Variants in LRRK2 observed in about 807,000 individuals in gnomAD.
LRRK2 encodes the protein leucine-rich repeat serine/threonine-protein kinase 2.
LRRK2 carries 203 observed loss-of-function variants against 302.6 expected under a neutral mutation model. The ratio of observed to expected loss-of-function variants is 0.67; its 90% confidence interval spans 0.60 to 0.75. LRRK2 has a LOEUF of 0.75. LRRK2 is among the 30% of genes least tolerant of loss of function. LRRK2 has a pLI of 0.00. For synonymous variants in LRRK2, 1,066 were observed against 1,031.9 expected (o/e 1.03, Z -0.63); for missense variants, 2,830 against 2,951.0 (o/e 0.96, Z 0.95).
At chr12:40,231,290 C>T (rs1383358909) in intron 2 of LRRK2, among the ~76,000 whole-genome samples, 7 of 151,148 alleles carry the variant, frequency 4.6e-5, no homozygotes, top group Admixed American at 1.3e-4. Flanking sequence ...CAGAGGCTCA[C>T]GCCTGTAATC....
chr12:40,290,718 T>A (rs1274335540), intron 20 of LRRK2, among the ~76,000 whole-genome samples: 1 of 152,114 alleles, frequency 6.6e-6, no homozygotes, highest in African/African-American at 2.4e-5. Context: ...CTGTTAGTGA[T>A]TTAATTATCC....
chr12:40,341,453 T>C (rs1419620199), intron 41 of LRRK2, among the ~76,000 whole-genome samples: 2 of 152,194 alleles, frequency 1.3e-5, no homozygotes, highest in African/African-American at 4.8e-5. Flanking sequence ...ATATACTCTT[T>C]TGTTTTGGAT....
chr12:40,324,049 G>A (rs1395434484), intron 38 of LRRK2, among the ~76,000 whole-genome samples: 1 of 152,084 alleles, frequency 6.6e-6, no homozygotes, highest in Non-Finnish European at 1.5e-5. Context: ...GATGAAAAGT[G>A]TATGCATTAT....
rs1474238780 is a variant in LRRK2, at chr12:40,308,472, T to A, written c.3965T>A (p.Leu1322His). The A allele has an allele frequency of 1.9e-6, 3 of 1,612,896 alleles. No homozygotes were observed. The African/African-American group carries it at 4.0e-5, about 22-fold the overall frequency. The change falls in exon 29 of 51, where the codon CTT becomes CAT. Residue 1322 changes from leucine to histidine, a missense_variant. Coordinates refer to ENST00000298910, the MANE Select transcript of LRRK2 (RefSeq NM_198578.4). ...GCKAKDIIRF[L>H]QQRLKKAVPY... ...TTTTATCTTTCAAATACTAGGTTTC[T>A]TCAACAGCGATTAAAAAAGGCTGTG...
rs745619837 is a variant in LRRK2 at position 40,249,838 on chromosome 12, A to G, written c.851A>G (p.Asn284Ser). 3 of 1,613,614 alleles carry G rather than the reference A, an allele frequency of 1.9e-6. No individual in the cohort carries two copies. The highest frequency in any genetic ancestry group is 4.5e-5 in the East Asian group (2 of 44,882). ...ACTTAACTTTTAGGTAATTTTTTCA[A>G]TATCCTGGTATTAAACGAAGTCCAT... is the stretch of plus-strand genomic sequence containing the variant. Reference protein sequence around the residue: ...LHRLTLGNFFNILVLNEVHEF... With the variant: ...LHRLTLGNFFSILVLNEVHEF... The change falls in exon 8 of 51, where the codon AAT (asparagine) becomes AGT (serine). Residue 284 changes from asparagine to serine, a missense_variant. Transcript: ENST00000298910.
At chr12:40,250,024 T>C in intron 8 of LRRK2, 79 bp downstream of exon 8, 2 of 1,551,370 alleles carry the variant, frequency 1.3e-6, no homozygotes, top group Non-Finnish European at 1.8e-6. Flanking sequence ...GAGAATCATA[T>C]GTACAGATGG....
rs116944429 is a variant in LRRK2 at position 40,251,915 on chromosome 12, G to A, written c.1181+371G>A. Among the ~76,000 whole-genome samples the A allele has an allele frequency of 1.7e-4, 26 of 152,294 alleles. No homozygotes were observed. In the East Asian group the frequency reaches 4.8e-3, roughly 28 times the overall value. On this transcript the variant is annotated intron_variant, in intron 10 of 50. Coordinates refer to ENST00000298910, the MANE Select transcript of LRRK2 (RefSeq NM_198578.4). ...TTCTTCTATGGTGACTAGCCAGCAG[G>A]TTGTCAATATCAGAAATTAGATTTG...
chr12:40,298,585 A>C lies in LRRK2; in HGVS notation c.3347+92A>C, dbSNP rs546732491. The C allele has an allele frequency of 4.3e-5, 63 of 1,471,146 alleles. No homozygotes were observed. In the Middle Eastern group the frequency reaches 6.9e-4, roughly 16 times the overall value. 91.1% of individuals were successfully genotyped at this position (1,471,146 alleles called of 1,614,324 possible). A position where few individuals can be genotyped will look rare whatever the true frequency, so the allele number is the denominator to read the frequency against. ...CATTTTTATAGCAATGAGTTTTAAC[A>C]ACATGGTGAAACTCCATCTCTACTA... On this transcript the variant is annotated intron_variant, in intron 24 of 50. Coordinates refer to ENST00000298910, the MANE Select transcript of LRRK2 (RefSeq NM_198578.4).
chr12:40,237,472 T>C (rs1044038744), intron 4 of LRRK2, among the ~76,000 whole-genome samples: 2 of 152,148 alleles, frequency 1.3e-5, no homozygotes, highest in African/African-American at 4.8e-5. Flanking sequence ...GTAGGAGATA[T>C]TCTTAAAGGA....
In LRRK2 at chr12:40,263,831, A is replaced by G. The variant is rs1480540142; in HGVS notation, c.1586A>G (p.Lys529Arg). The change falls in exon 14 of 51, where the codon AAG becomes AGG. Residue 529 changes from lysine (K) to arginine (R), a missense_variant. Physicochemically the swap from Lys to Arg is conservative, Grantham distance 26. Coordinates refer to ENST00000298910, the MANE Select transcript of LRRK2 (RefSeq NM_198578.4). ...ESREDTEFHHKLNMVKKQCFK... is the reference protein window; with the variant it reads ...ESREDTEFHHRLNMVKKQCFK... ...AGGGAGGATACAGAATTTCATCATA[A>G]GCTAAATATGGTTAAAAAACAGTGT... The G allele has an allele frequency of 1.2e-6, 2 of 1,613,208 alleles. No homozygotes were observed.
Position 40,249,863 on chromosome 12 carries a change from T to C in LRRK2, c.876T>C (p.His292=), listed in dbSNP as rs761251726. ...FFNILVLNEV[H]EFVVKAVQQY... Reference sequence around the variant, plus strand: ...ATATCCTGGTATTAAACGAAGTCCATGAGTTTGTGGTGAAAGCTGTGCAGC... The same window carrying C: ...ATATCCTGGTATTAAACGAAGTCCACGAGTTTGTGGTGAAAGCTGTGCAGC... Residue 292 remains histidine, a synonymous_variant, in exon 8 of 51, where the codon CAT becomes CAC. Coordinates refer to ENST00000298910, the MANE Select transcript of LRRK2 (RefSeq NM_198578.4). 5 of 1,612,678 alleles carry C rather than the reference T, an allele frequency of 3.1e-6. No individual in the cohort carries two copies. The highest frequency in any genetic ancestry group is 1.1e-5 in the South Asian group (1 of 91,066).
intron 14 of LRRK2, 81 bp downstream of exon 14, chr12:40,263,982 T>C: frequency 1.0e-6 from 1 of 990,188 alleles, no homozygotes. Context: ...TTTTTCAGTC[T>C]AAGTTTTCTG....
At chr12:40,244,826 A>G (rs1224037163) in intron 7 of LRRK2, among the ~76,000 whole-genome samples, 1 of 151,908 alleles carries the variant, frequency 6.6e-6, no homozygotes, top group Non-Finnish European at 1.5e-5. Flanking sequence ...TGGCACATGT[A>G]TACATATGTA....
Position 40,243,613 on chromosome 12 carries a change from T to C in LRRK2, c.770T>C (p.Met257Thr). ...VRCYNIVVEAMKAFPMSERIQ... is the reference protein window; with the variant it reads ...VRCYNIVVEATKAFPMSERIQ... ...TGTTATAATATTGTGGTGGAAGCTA[T>C]GAAAGCATTCCCTATGAGTGAAAGA... The change falls in exon 7 of 51, where the codon ATG becomes ACG. Residue 257 changes from methionine (M) to threonine (T), a missense_variant. Coordinates refer to ENST00000298910, the MANE Select transcript of LRRK2 (RefSeq NM_198578.4). 1 of 1,612,314 alleles carries C rather than the reference T, an allele frequency of 6.2e-7. No homozygotes were observed. The highest frequency in any genetic ancestry group is 1.1e-5 in the South Asian group (1 of 91,066).
rs1944813171 is a variant in LRRK2, at chr12:40,306,069, A to C, written c.3959+103A>C. 8.8e-6 allele frequency: 8 copies of C among 908,510 alleles called. No homozygotes were observed. In the South Asian group the frequency reaches 1.3e-4, roughly 15 times the overall value. The allele number at this position is 908,510 out of a possible 1,614,324, so 56.3% of individuals were successfully genotyped here. A position where few individuals can be genotyped will look rare whatever the true frequency, so the allele number is the denominator to read the frequency against. On this transcript the variant is annotated intron_variant, in intron 28 of 50. Coordinates refer to ENST00000298910, the MANE Select transcript of LRRK2 (RefSeq NM_198578.4). ...ATTGTTACTATTTAGGGAAAAATAA[A>C]TAGTAATATTTGGCATTAATATGCT... is the stretch of plus-strand genomic sequence containing the variant.
chr12:40,322,460 A>G lies in LRRK2; in HGVS notation c.5459A>G (p.Glu1820Gly). Residue 1820 changes from glutamate (E) to glycine (G), a missense_variant, in exon 37 of 51, where the codon GAA (glutamate) becomes GGA (glycine). Physicochemically the swap from Glu to Gly is moderately conservative, Grantham distance 98. Coordinates refer to ENST00000298910, the MANE Select transcript of LRRK2 (RefSeq NM_198578.4). ...KWALYSFNDGEEHQKILLDDL... is the reference protein window; with the variant it reads ...KWALYSFNDGGEHQKILLDDL... Reference sequence around the variant, plus strand: ...GCATTATATAGTTTTAATGATGGTGAAGAACATCAAAAAATCTTACTTGAT... The same window carrying G: ...GCATTATATAGTTTTAATGATGGTGGAGAACATCAAAAAATCTTACTTGAT... The G allele has an allele frequency of 6.2e-7, 1 of 1,613,356 alleles. No homozygotes were observed. The highest frequency in any genetic ancestry group is 8.5e-7 in the Non-Finnish European group (1 of 1,179,412).
chr12:40,289,797 T>G (rs1039370777), intron 20 of LRRK2, among the ~76,000 whole-genome samples: 2 of 151,916 alleles, frequency 1.3e-5, no homozygotes, highest in East Asian at 3.8e-4. Flanking sequence ...TCCTGTAAAC[T>G]TACTAAGCTC....
At chr12:40,311,757 T>A (rs779003600) in intron 31 of LRRK2, among the ~76,000 whole-genome samples, 1 of 152,274 alleles carries the variant, frequency 6.6e-6, no homozygotes, top group Non-Finnish European at 1.5e-5. Context: ...AGGGAGAGAA[T>A]TTGTATGTTT....
At position 40,277,887 on chromosome 12, in the gene LRRK2, G is replaced by C; in HGVS notation, c.1942-1G>C. ...TATTATTTTTTTTCTTATACTTTTA[G>C]GGATTTCAGACAATCTTAGCAATCC... is the stretch of plus-strand genomic sequence containing the variant. On this transcript the variant is annotated splice_acceptor_variant, in intron 16 of 50. Coordinates refer to ENST00000298910, the MANE Select transcript of LRRK2 (RefSeq NM_198578.4). LOFTEE classifies it high-confidence loss of function. 6.2e-7 allele frequency: 1 copy of C among 1,603,052 alleles called. No individual in the cohort carries two copies. Among genetic ancestry groups the C allele is most frequent in the Non-Finnish European group, 8.5e-7 (1 of 1,175,816 alleles).
Sources: allele counts gnomAD v4.1 joint callset (sites outside exome capture counted in the v4.1 genomes callset), GRCh38; gene constraint gnomAD v4.1.1; transcripts MANE v1.5; gene names NCBI Gene and HGNC (gene_info 2026-07-23, HGNC 2026-07-21).